Variants in GNAQ observed in about 807,000 individuals in gnomAD.
The protein encoded by GNAQ is G protein subunit alpha q, also known as guanine nucleotide-binding protein G(q) subunit alpha.
A neutral mutation model predicts 43.9 loss-of-function variants in GNAQ; 8 were observed. The observed-to-expected ratio is 0.18, with a 90% CI of 0.11 to 0.33. GNAQ has a LOEUF of 0.33. Among genes scored for constraint, GNAQ ranks in the 10% least tolerant of loss-of-function variants. The probability of loss-of-function intolerance (pLI) is 1.00; values close to 1 mark genes in which losing one functional copy is unlikely to be tolerated. For missense variants in GNAQ, 158 were observed against 450.8 expected, an observed-to-expected ratio of 0.35 and a Z score of 5.88; for synonymous variants, 155 against 170.7, an observed-to-expected ratio of 0.91 and a Z score of 0.71.
At chr9:77,902,878 T>A (rs1037611627) in intron 2 of GNAQ, among the ~76,000 whole-genome samples, 6 of 152,206 alleles carry the variant, frequency 3.9e-5, no homozygotes, top group African/African-American at 1.4e-4. Context: ...CACAGCTTTC[T>A]TTTACTTCAC....
chr9:77,948,773 T>A (rs1363648963), intron 1 of GNAQ, among the ~76,000 whole-genome samples: 2 of 152,222 alleles, frequency 1.3e-5, no homozygotes, highest in Non-Finnish European at 2.9e-5. Flanking sequence ...TTATCCTTTT[T>A]AAATGAATAT....
chr9:77,931,591 T>C (rs541710023), intron 1 of GNAQ, among the ~76,000 whole-genome samples: 2 of 149,690 alleles, frequency 1.3e-5, no homozygotes, highest in East Asian at 3.9e-4. Context: ...TGAGACTCTG[T>C]CTCAAAAAAA....
In GNAQ at chr9:77,814,819, T is replaced by C. The variant is rs76810612; in HGVS notation, c.476+797A>G. On this transcript the variant is annotated intron_variant, in intron 3 of 6. Transcript: ENST00000286548. ...AAACAAGAGGCAGATGCTGTATTAA[T>C]ATAACTAATGTACACAGAAACCTGG... Among the ~76,000 whole-genome samples, 721 of 152,308 alleles carry C rather than the reference T, an allele frequency of 4.7e-3. 5 individuals carry two copies. The highest frequency in any genetic ancestry group is 0.016 in the African/African-American group (667 of 41,560).
At chr9:77,762,094 T>C (rs1385562626) in intron 5 of GNAQ, among the ~76,000 whole-genome samples, 27 of 96,658 alleles carry the variant, frequency 2.8e-4, no homozygotes, top group African/African-American at 6.2e-4. Flanking sequence ...GCCCCCCGCC[T>C]GGCCAGCCGC....
chr9:77,897,396 G>C (rs1374079802), intron 2 of GNAQ, among the ~76,000 whole-genome samples: 1 of 152,174 alleles, frequency 6.6e-6, no homozygotes, highest in Non-Finnish European at 1.5e-5. Flanking sequence ...AGGGCTTTTT[G>C]TAACCAGCAA....
chr9:77,838,016 C>T (rs765640693), intron 2 of GNAQ, among the ~76,000 whole-genome samples: 6 of 151,898 alleles, frequency 4.0e-5, no homozygotes, highest in Non-Finnish European at 7.4e-5. Flanking sequence ...CGCCACCACG[C>T]CCAGCTAATT....
At chr9:77,741,777 G>A (rs3780300) in intron 5 of GNAQ, among the ~76,000 whole-genome samples, 96,335 of 151,982 alleles carry the variant, frequency 0.63, 31,462 homozygotes, top group Non-Finnish European at 0.72. Context: ...AAAAAATTCT[G>A]TAAACATTCT....
chr9:77,824,871 A>G (rs1402257597), intron 2 of GNAQ, among the ~76,000 whole-genome samples: 3 of 152,336 alleles, frequency 2.0e-5, no homozygotes, highest in Admixed American at 1.3e-4. Context: ...TTGTACATGC[A>G]TAAGAAAACC....
chr9:77,757,954 G>A (rs547875990), intron 5 of GNAQ, among the ~76,000 whole-genome samples: 3 of 152,190 alleles, frequency 2.0e-5, no homozygotes, highest in African/African-American at 7.2e-5. Context: ...GCTAAATCCA[G>A]ATATGCTCCT....
intron 1 of GNAQ, among the ~76,000 whole-genome samples, chr9:77,970,235 A>C (rs1823221265): frequency 6.6e-6 from 1 of 150,788 alleles, no homozygotes; most frequent in African/African-American, 2.5e-5. Context: ...AAAAAAAAAA[A>C]CAAACAAACA....
At chr9:77,920,599 C>A (rs1032250350) in intron 2 of GNAQ, among the ~76,000 whole-genome samples, 1 of 152,128 alleles carries the variant, frequency 6.6e-6, no homozygotes, top group African/African-American at 2.4e-5. Context: ...GCAGGGAGAA[C>A]CCTGATCCTT....
At chr9:77,761,175 C>A (rs1394686450) in intron 5 of GNAQ, among the ~76,000 whole-genome samples, 5 of 143,426 alleles carry the variant, frequency 3.5e-5, no homozygotes, top group Non-Finnish European at 7.9e-5. Context: ...GGGGGGTCAG[C>A]CTCCCGCCCG....
chr9:77,784,862 T>C (rs756658068), intron 5 of GNAQ, among the ~76,000 whole-genome samples: 2 of 152,212 alleles, frequency 1.3e-5, no homozygotes, highest in African/African-American at 2.4e-5. Context: ...TGATTTTAAT[T>C]AGGGAAAAAC....
intron 1 of GNAQ, among the ~76,000 whole-genome samples, chr9:77,965,607 A>G (rs1823156736): frequency 6.6e-6 from 1 of 152,194 alleles, no homozygotes; most frequent in African/African-American, 2.4e-5. Flanking sequence ...ACTACTCAAC[A>G]ACATTAGTCA....
intron 1 of GNAQ, among the ~76,000 whole-genome samples, chr9:78,012,556 T>G (rs999373335): frequency 1.8e-4 from 28 of 152,076 alleles, no homozygotes; most frequent in African/African-American, 6.5e-4. Context: ...ATATCACCCA[T>G]GGACCCATCA....
At chr9:77,790,279 C>T (rs1284508046) in intron 5 of GNAQ, among the ~76,000 whole-genome samples, 1 of 151,988 alleles carries the variant, frequency 6.6e-6, no homozygotes, top group Admixed American at 6.6e-5. Flanking sequence ...TTTTTTTCTC[C>T]TCAATTTTTA....
At chr9:78,020,350 T>C (rs1394686125) in intron 1 of GNAQ, among the ~76,000 whole-genome samples, 2 of 152,134 alleles carry the variant, frequency 1.3e-5, no homozygotes, top group Non-Finnish European at 2.9e-5. Flanking sequence ...AGGAAACATG[T>C]TGCAAATTTT....
At chr9:77,792,712 G>A (rs376200971) in intron 5 of GNAQ, among the ~76,000 whole-genome samples, 1 of 152,022 alleles carries the variant, frequency 6.6e-6, no homozygotes, top group Non-Finnish European at 1.5e-5. Context: ...TTATCTTGTG[G>A]AAAATGTGTA....
chr9:77,904,146 AGATTAAT>A (rs924543625), intron 2 of GNAQ, among the ~76,000 whole-genome samples: 1 of 152,080 alleles, frequency 6.6e-6, no homozygotes, highest in African/African-American at 2.4e-5. Context: ...AGTGTGTGGA[AGATTAAT>A]GATCTATCCT....
Sources: gnomAD v4.1 joint callset for allele counts (sites outside exome capture counted in the v4.1 genomes callset) on GRCh38, gnomAD v4.1.1 for gene constraint, MANE v1.5 for transcripts, NCBI Gene and HGNC (gene_info 2026-07-23, HGNC 2026-07-21) for gene names.